ATP7A: variants seen among roughly 807,000 people sequenced by gnomAD.
ATP7A encodes copper-transporting ATPase 1.
ATP7A carries 7 observed loss-of-function variants against 83.5 expected under a neutral mutation model. The observed-to-expected ratio is 0.08, with a 90% confidence interval of 0.05 to 0.16. The LOEUF is 0.16. Among genes scored for constraint, ATP7A ranks in the 10% least tolerant of loss-of-function variants. The probability of loss-of-function intolerance (pLI) is 1.00; values close to 1 mark genes in which losing one functional copy is unlikely to be tolerated. For missense variants in ATP7A, 940 were observed against 1,120.8 expected, an observed-to-expected ratio of 0.84 and a Z score of 2.30; for synonymous variants, 354 against 395.2, an observed-to-expected ratio of 0.90 and a Z score of 1.24.
At chrX:77,956,788 T>TTTCTTTCTTTC (rs1205697788) in intron 1 of ATP7A, among the ~76,000 whole-genome samples, 5 of 66,815 alleles carry the variant, frequency 7.5e-5, no homozygotes, top group African/African-American at 2.8e-4. Context: ...TCTTTCTTTC[T>TTTCTTTCTTTC]CTTTCTTTCT....
intron 7 of ATP7A, among the ~76,000 whole-genome samples, chrX:78,010,782 T>G (rs938625276): frequency 9.2e-6 from 1 of 108,815 alleles, no homozygotes; most frequent in African/African-American, 3.4e-5. Flanking sequence ...GGTTTCACCG[T>G]GTTGGCCATA....
Position 78,012,999 on chromosome X carries a change from C to A in ATP7A, c.2293C>A (p.Leu765Ile), listed in dbSNP as rs782148626. ...TIAFAYSLIILLVAMYERAKV... is the reference protein window; with the variant it reads ...TIAFAYSLIIILVAMYERAKV... The stretch of plus-strand genomic sequence containing the variant: ...TGCATTTGCCTACTCTTTGATTATT[C>A]TTCTAGTTGCAATGTATGAGAGAGC... Residue 765 changes from leucine (L) to isoleucine (I), a missense_variant, in exon 10 of 23, where the codon CTT becomes ATT. Physicochemically the swap from Leu to Ile is conservative, Grantham distance 5. Coordinates refer to ENST00000341514, the MANE Select transcript of ATP7A (RefSeq NM_000052.7). The A allele has an allele frequency of 8.3e-7, 1 of 1,210,179 alleles. No homozygotes were observed. Among genetic ancestry groups the A allele is most frequent in the South Asian group, 1.8e-5 (1 of 56,941 alleles).
At chrX:77,922,205 TG>T (rs1344675072) in intron 1 of ATP7A, among the ~76,000 whole-genome samples, 4 of 111,725 alleles carry the variant, frequency 3.6e-5, no homozygotes, top group African/African-American at 1.3e-4. Flanking sequence ...ATATCATTTT[TG>T]TTAAAAATGT....
intron 1 of ATP7A, among the ~76,000 whole-genome samples, chrX:77,926,605 A>G (rs1299130592): frequency 8.9e-6 from 1 of 112,203 alleles, no homozygotes; most frequent in African/African-American, 3.2e-5. Context: ...TGCTGGGATT[A>G]TAGGCATGAG....
At chrX:77,965,544 A>G in intron 1 of ATP7A, 1 of 233,682 alleles carries the variant, frequency 4.3e-6, no homozygotes, top group Non-Finnish European at 8.2e-6. Context: ...GGGCCCTTAT[A>G]TACTGCTCAT....
chrX:78,012,336 G>A (rs1204616194), intron 9 of ATP7A, among the ~76,000 whole-genome samples: 5 of 111,257 alleles, frequency 4.5e-5, no homozygotes, highest in Non-Finnish European at 7.5e-5. Context: ...CAACAAAAAC[G>A]GCCAACAGAT....
chrX:77,975,067 T>C (rs1557230112), intron 2 of ATP7A, among the ~76,000 whole-genome samples: 1 of 112,141 alleles, frequency 8.9e-6, no homozygotes, highest in Non-Finnish European at 1.9e-5. Flanking sequence ...TTGCATGCCA[T>C]TCTCATCAGT....
intron 10 of ATP7A, 97 bp downstream of exon 10, chrX:78,013,209 G>C: frequency 1.3e-6 from 1 of 772,136 alleles, no homozygotes; most frequent in Non-Finnish European, 2.0e-6. Flanking sequence ...CTTTTATGTA[G>C]TTAACCATTT....
chrX:77,930,196 G>A (rs2077263840), intron 1 of ATP7A, among the ~76,000 whole-genome samples: 1 of 111,624 alleles, frequency 9.0e-6, no homozygotes, highest in Non-Finnish European at 1.9e-5. Context: ...CTGAAAATAA[G>A]GGAAATGTTT....
intron 1 of ATP7A, among the ~76,000 whole-genome samples, chrX:77,958,830 C>A (rs2077459877): frequency 9.9e-6 from 1 of 100,747 alleles, no homozygotes; most frequent in Non-Finnish European, 2.0e-5. Flanking sequence ...ACTCTGTCAC[C>A]CAGGCTGGAA....
At chrX:78,015,715 C>T (rs374374500) in intron 11 of ATP7A, 39 bp from the exon 12 acceptor site, 8 of 1,207,060 alleles carry the variant, frequency 6.6e-6, no homozygotes, top group Non-Finnish European at 9.0e-6. Context: ...GGGTAGGAAG[C>T]ATATTATCAT....
chrX:78,017,398 T>C (rs910874164), intron 12 of ATP7A, among the ~76,000 whole-genome samples: 1 of 112,488 alleles, frequency 8.9e-6, no homozygotes, highest in Non-Finnish European at 1.9e-5. Context: ...ATCTCTGACA[T>C]GTCCTGGAGA....
intron 1 of ATP7A, among the ~76,000 whole-genome samples, chrX:77,940,262 C>T (rs782212470): frequency 2.1e-4 from 23 of 110,564 alleles, no homozygotes; most frequent in African/African-American, 6.6e-4. Flanking sequence ...ATTTCTTCAT[C>T]CCCCCTCCAA....
chrX:77,979,128 G>A (rs1016363718), intron 2 of ATP7A, among the ~76,000 whole-genome samples: 2 of 110,916 alleles, frequency 1.8e-5, no homozygotes, highest in African/African-American at 3.3e-5. Flanking sequence ...CACTGCACCC[G>A]GCCATATAAC....
intron 5 of ATP7A, among the ~76,000 whole-genome samples, chrX:77,999,793 A>G (rs1168353064): frequency 9.1e-6 from 1 of 110,103 alleles, no homozygotes; most frequent in Non-Finnish European, 1.9e-5. Context: ...AGTCCCAGCT[A>G]CTTGGGAGGC....
chrX:77,932,305 T>C (rs1486631529), intron 1 of ATP7A, among the ~76,000 whole-genome samples: 1 of 75,500 alleles, frequency 1.3e-5, no homozygotes, highest in Non-Finnish European at 2.5e-5. Context: ...TCTCAGACGA[T>C]GGGCGGCCGG....
intron 11 of ATP7A, among the ~76,000 whole-genome samples, chrX:78,015,362 A>C (rs1469909514): frequency 2.7e-5 from 3 of 111,922 alleles, no homozygotes; most frequent in African/African-American, 9.7e-5. Context: ...TATAACTCCT[A>C]TGTTACTTGT....
intron 12 of ATP7A, 53 bp downstream of exon 12, chrX:78,015,934 A>G: frequency 8.5e-7 from 1 of 1,175,273 alleles, no homozygotes; most frequent in Non-Finnish European, 1.2e-6. Flanking sequence ...TAGACATGAA[A>G]GATGAAGCAC....
intron 17 of ATP7A, 130 bp downstream of exon 17, chrX:78,033,951 A>G: frequency 1.7e-6 from 1 of 595,658 alleles, no homozygotes; most frequent in South Asian, 2.6e-5. Flanking sequence ...TCAATACCCT[A>G]TGCCTTCTGA....
Sources: allele counts gnomAD v4.1 joint callset (sites outside exome capture counted in the v4.1 genomes callset), GRCh38; gene constraint gnomAD v4.1.1; transcripts MANE v1.5; gene names NCBI Gene and HGNC (gene_info 2026-07-23, HGNC 2026-07-21).